Variants in OGT observed in about 807,000 individuals in gnomAD.
OGT encodes UDP-N-acetylglucosamine--peptide N-acetylglucosaminyltransferase 110 kDa subunit.
OGT carries 3 observed loss-of-function variants against 75.8 expected under a neutral mutation model. The observed-to-expected ratio is 0.04, with a 90% CI of 0.02 to 0.10. The LOEUF (loss-of-function observed/expected upper bound fraction) is 0.10. Among genes scored for constraint, OGT ranks in the 10% least tolerant of loss-of-function variants. The pLI, the probability that OGT is intolerant of heterozygous loss-of-function variation, is 1.00. For missense variants in OGT, 260 were observed against 824.4 expected (o/e 0.32, Z 8.38); for synonymous variants, 257 against 289.7 (o/e 0.89, Z 1.15).
chrX:71,538,847 A>G (rs73544849), intron 3 of OGT, among the ~76,000 whole-genome samples: 1,125 of 112,372 alleles, frequency 0.01, 16 homozygotes, highest in African/African-American at 0.034. Flanking sequence ...TTTGTAACCA[A>G]CCTGGAAATG....
At position 71,557,123 on chromosome X, in the gene OGT, A is replaced by T. The variant is rs2040348267; in HGVS notation, c.1320+18A>T. 1 of 1,204,945 alleles carries T rather than the reference A, an allele frequency of 8.3e-7. No homozygotes were observed. Among genetic ancestry groups the T allele is most frequent in the Non-Finnish European group, 1.1e-6 (1 of 890,713 alleles). On this transcript the variant is annotated intron_variant, in intron 10 of 21. Transcript: ENST00000373719. ...TTCATAAGGTACTACTGTTTATTAT[A>T]ATATGTGCAGTTTAACACCTAAAAT...
chrX:71,554,672 A>G (rs1305614875), intron 6 of OGT, 80 bp downstream of exon 6: 1 of 764,963 alleles, frequency 1.3e-6, no homozygotes, highest in Admixed American at 2.3e-5. Flanking sequence ...AAATGATGAC[A>G]ATAGTCCATT....
chrX:71,573,836 A>C lies in OGT; in HGVS notation c.*42A>C. The C allele has an allele frequency of 2.5e-5, 26 of 1,056,720 alleles. No homozygotes were observed. Among genetic ancestry groups the C allele is most frequent in the Non-Finnish European group, 3.1e-5 (24 of 786,512 alleles). The allele number at this position is 1,056,720 out of a possible 1,213,427, so 87.1% of individuals were successfully genotyped here. A position where few individuals can be genotyped will look rare whatever the true frequency, so the allele number is the denominator to read the frequency against. On this transcript the variant is annotated 3_prime_UTR_variant, in exon 22 of 22. Transcript: ENST00000373719. ...AGAATTACCCCTATACCTGAGCCTC[A>C]ACCTTCTGGGGGAAAGGGAACTAGA... is the stretch of plus-strand genomic sequence containing the variant.
intron 13 of OGT, 35 bp from the exon 14 acceptor site, chrX:71,559,553 C>G (rs2040368029): frequency 2.6e-6 from 3 of 1,175,742 alleles, no homozygotes; most frequent in Non-Finnish European, 3.5e-6. Context: ...AGATTTGAGC[C>G]AATGTTATTA....
chrX:71,552,311 G>C (rs2040311147), intron 5 of OGT, among the ~76,000 whole-genome samples: 1 of 111,028 alleles, frequency 9.0e-6, no homozygotes, highest in South Asian at 3.7e-4. Flanking sequence ...AAGAAACTCA[G>C]AGAGGCACAT....
At position 71,554,601 on chromosome X, in the gene OGT, ATGTTCTGT is replaced by A. The variant is rs1456187870; in HGVS notation, c.728+11_728+18del. ...GCACGCATTTTTGACAGGTGAGAGA[ATGTTCTGT>A]TTAATAAATTTTCTTGAATCTTTGT... On this transcript the variant is annotated intron_variant, in intron 6 of 21. Transcript: ENST00000373719. The A allele has an allele frequency of 1.7e-6, 2 of 1,166,957 alleles. No homozygotes were observed. Among genetic ancestry groups the A allele is most frequent in the Non-Finnish European group, 2.3e-6 (2 of 855,316 alleles).
intron 5 of OGT, among the ~76,000 whole-genome samples, chrX:71,549,094 T>TA (rs913647628): frequency 9.3e-6 from 1 of 107,860 alleles, no homozygotes; most frequent in African/African-American, 3.4e-5. Flanking sequence ...TGCTTGAGCT[T>TA]AGGAGTTGAA....
chrX:71,567,483 T>C lies in OGT; in HGVS notation c.2590-17T>C. On this transcript the variant is annotated splice_polypyrimidine_tract_variant and intron_variant, in intron 19 of 21. Coordinates refer to ENST00000373719, the MANE Select transcript of OGT (RefSeq NM_181672.3). ...CAGATCTGCTATTAATAATTATTCTTATTTTCCCTATTTTAGATTCTGAAG... is the reference window on the plus strand; with the variant it reads ...CAGATCTGCTATTAATAATTATTCTCATTTTCCCTATTTTAGATTCTGAAG... 9.0e-7 allele frequency: 1 copy of C among 1,110,305 alleles called. No homozygotes were observed. Among genetic ancestry groups the C allele is most frequent in the Non-Finnish European group, 1.2e-6 (1 of 838,995 alleles). The allele number at this position is 1,110,305 out of a possible 1,213,427, so 91.5% of individuals were successfully genotyped here. A position where few individuals can be genotyped will look rare whatever the true frequency, so the allele number is the denominator to read the frequency against.
intron 18 of OGT, among the ~76,000 whole-genome samples, chrX:71,564,233 C>T (rs1272172506): frequency 4.5e-5 from 5 of 111,748 alleles, no homozygotes; most frequent in Non-Finnish European, 9.4e-5. Context: ...AGCTCAGAAA[C>T]GGTGAGGATC....
At chrX:71,568,644 A>G (rs1030715427) in intron 21 of OGT, among the ~76,000 whole-genome samples, 1 of 110,934 alleles carries the variant, frequency 9.0e-6, no homozygotes, top group Non-Finnish European at 1.9e-5. Flanking sequence ...CCTGGCCAAC[A>G]TGGTGAAACC....
intron 1 of OGT, among the ~76,000 whole-genome samples, chrX:71,535,592 A>G: frequency 8.9e-6 from 1 of 111,912 alleles, no homozygotes; most frequent in South Asian, 3.7e-4. Context: ...GCTCGTTTCT[A>G]CTTGTCCTTT....
chrX:71,564,234 G>A (rs191748168), intron 18 of OGT, among the ~76,000 whole-genome samples: 72 of 111,963 alleles, frequency 6.4e-4, no homozygotes, highest in African/African-American at 2.1e-3. Context: ...GCTCAGAAAC[G>A]GTGAGGATCA....
intron 10 of OGT, 40 bp from the exon 11 acceptor site, chrX:71,557,153 CTT>C (rs2040348481): frequency 8.3e-7 from 1 of 1,200,979 alleles, no homozygotes; most frequent in African/African-American, 1.7e-5. Flanking sequence ...TAAAATTTAA[CTT>C]TTGGAAATTT....
chrX:71,571,487 G>A (rs891776858), intron 21 of OGT, among the ~76,000 whole-genome samples: 2 of 112,047 alleles, frequency 1.8e-5, no homozygotes, highest in Admixed American at 9.5e-5. Context: ...TGCAACTTCC[G>A]CCTCCCGGGC....
intron 7 of OGT, 42 bp downstream of exon 7, chrX:71,555,427 A>C: frequency 8.8e-7 from 1 of 1,133,635 alleles, no homozygotes. Context: ...TGGTAGGATT[A>C]AGAGTCTTTT....
intron 1 of OGT, among the ~76,000 whole-genome samples, chrX:71,534,821 A>G (rs2040163562): frequency 8.9e-6 from 1 of 112,251 alleles, no homozygotes; most frequent in African/African-American, 3.2e-5. Flanking sequence ...AGGAAGTTCT[A>G]GAGACTTAGC....
intron 4 of OGT, chrX:71,546,074 C>A: frequency 1.7e-6 from 1 of 574,083 alleles, no homozygotes; most frequent in Non-Finnish European, 2.1e-6. Context: ...AAATTCAAGC[C>A]AGCATATTCC....
chrX:71,554,435 TA>T (rs1478478633), intron 5 of OGT, 77 bp from the exon 6 acceptor site: 9 of 658,920 alleles, frequency 1.4e-5, no homozygotes, highest in Non-Finnish European at 2.2e-5. Flanking sequence ...GACCTTGGAG[TA>T]AAAAAATTGT....
rs968769937 is a variant in OGT at position 71,559,602 on chromosome X, C to G, written c.1776C>G (p.Ala592=). The change falls in exon 14 of 22, where the codon GCC becomes GCG. Residue 592 remains alanine, a synonymous_variant. Coordinates refer to ENST00000373719, the MANE Select transcript of OGT (RefSeq NM_181672.3). ...NPDKFEVFCY[A]LSPDDGTNFR... ...CTGCCTTTCAGGTGTTCTGTTATGCCCTGAGCCCAGACGATGGCACAAACT... is the reference window on the plus strand; with the variant it reads ...CTGCCTTTCAGGTGTTCTGTTATGCGCTGAGCCCAGACGATGGCACAAACT... 3 of 1,208,795 alleles carry G rather than the reference C, an allele frequency of 2.5e-6. No individual in the cohort carries two copies. The highest frequency in any genetic ancestry group is 3.4e-6 in the Non-Finnish European group (3 of 894,083).
Sources: gnomAD v4.1 joint callset for allele counts (sites outside exome capture counted in the v4.1 genomes callset) on GRCh38, gnomAD v4.1.1 for gene constraint, MANE v1.5 for transcripts, NCBI Gene and HGNC (gene_info 2026-07-23, HGNC 2026-07-21) for gene names.